Variants in GALNT7 observed in about 807,000 individuals in gnomAD.
GALNT7 encodes the protein polypeptide N-acetylgalactosaminyltransferase 7, also known as N-acetylgalactosaminyltransferase 7.
Under a neutral mutation model 82.1 loss-of-function variants are expected in GALNT7, and 60 were observed. The observed-to-expected ratio is 0.73, with a 90% CI of 0.59 to 0.91. The LOEUF is 0.91. Ranked by LOEUF, GALNT7 falls within the 40% of genes least tolerant of loss-of-function variation. The pLI, the probability that GALNT7 is intolerant of heterozygous loss-of-function variation, is 0.00. For synonymous variants in GALNT7, 243 were observed against 275.1 expected (o/e 0.88, Z 1.15); for missense variants, 660 against 804.2 (o/e 0.82, Z 2.17).
At chr4:173,188,349 T>C (rs1451010840) in intron 1 of GALNT7, among the ~76,000 whole-genome samples, 1 of 152,210 alleles carries the variant, frequency 6.6e-6, no homozygotes, top group Non-Finnish European at 1.5e-5. Flanking sequence ...CTTTCTGAAC[T>C]GTGTTCTATG....
chr4:173,243,598 C>T (rs902379825), intron 1 of GALNT7, among the ~76,000 whole-genome samples: 2 of 152,094 alleles, frequency 1.3e-5, no homozygotes, highest in African/African-American at 2.4e-5. Flanking sequence ...ACTTTATAGC[C>T]GTTGTTTGAA....
At chr4:173,279,045 A>T (rs1012239093) in intron 2 of GALNT7, among the ~76,000 whole-genome samples, 9 of 152,322 alleles carry the variant, frequency 5.9e-5, no homozygotes, top group Admixed American at 3.3e-4. Flanking sequence ...CAGTCTATTG[A>T]TTCTGATAAC....
chr4:173,248,076 G>T lies in GALNT7; in HGVS notation c.223G>T (p.Val75Phe). 6.2e-7 allele frequency: 1 copy of T among 1,613,676 alleles called. No homozygotes were observed. Among genetic ancestry groups the T allele is most frequent in the African/African-American group, 1.3e-5 (1 of 75,016 alleles). ...CAAACCTGTGGTACCATGGCCTCATGTTGAAGGAGTAGAAGTGGACTTAGA... is the reference window on the plus strand; with the variant it reads ...CAAACCTGTGGTACCATGGCCTCATTTTGAAGGAGTAGAAGTGGACTTAGA... ...RFKPVVPWPHVEGVEVDLESI... is the reference protein window; with the variant it reads ...RFKPVVPWPHFEGVEVDLESI... Residue 75 changes from valine to phenylalanine, a missense_variant, in exon 2 of 12, where the codon GTT becomes TTT. Physicochemically the swap from Val to Phe is conservative, Grantham distance 50. Transcript: ENST00000265000.
rs139368053 is a variant in GALNT7, at chr4:173,246,968, C to T, written c.127-1012C>T. Among the ~76,000 whole-genome samples, 153 of 152,124 alleles carry T rather than the reference C, an allele frequency of 1.0e-3. 1 individual carries two copies. The highest frequency in any genetic ancestry group is 3.3e-3 in the African/African-American group (138 of 41,500). ...CTATAATCCCCTTGTCTAATTATAA[C>T]GAGCAGCCCTCCCATTAAGCCAGTG... On this transcript the variant is annotated intron_variant, in intron 1 of 11. Coordinates refer to ENST00000265000, the MANE Select transcript of GALNT7 (RefSeq NM_017423.3).
At chr4:173,235,776 G>A (rs960667844) in intron 1 of GALNT7, among the ~76,000 whole-genome samples, 4 of 151,986 alleles carry the variant, frequency 2.6e-5, no homozygotes, top group Non-Finnish European at 4.4e-5. Context: ...GGATGGTGTC[G>A]ATCTCCTGAC....
chr4:173,226,139 G>A (rs901665021), intron 1 of GALNT7, among the ~76,000 whole-genome samples: 3 of 152,116 alleles, frequency 2.0e-5, no homozygotes, highest in Admixed American at 2.0e-4. Context: ...TGATCACAGT[G>A]TCCACCACAT....
At chr4:173,296,524 C>T (rs773954580) in intron 5 of GALNT7, among the ~76,000 whole-genome samples, 1 of 152,322 alleles carries the variant, frequency 6.6e-6, no homozygotes. Context: ...GAAGGCCGAA[C>T]ATGAACATTT....
chr4:173,288,747 G>T (rs1369374945), intron 2 of GALNT7, among the ~76,000 whole-genome samples: 1 of 152,106 alleles, frequency 6.6e-6, no homozygotes, highest in Non-Finnish European at 1.5e-5. Flanking sequence ...CCCTTATATA[G>T]TGCCATCAGT....
Position 173,314,055 on chromosome 4 carries a change from C to T in GALNT7, c.1487C>T (p.Ser496Leu), listed in dbSNP as rs774669298. 3.2e-5 allele frequency: 51 copies of T among 1,610,378 alleles called. No individual in the cohort carries two copies. Among genetic ancestry groups the T allele is most frequent in the Admixed American group, 2.5e-4 (15 of 59,946 alleles). The change falls in exon 9 of 12, where the codon TCG becomes TTG. Residue 496 changes from serine (S) to leucine (L), a missense_variant. Ser to Leu is a moderately radical substitution (Grantham distance 145, BLOSUM62 -2). Transcript: ENST00000265000. ...ESQALPYGDI[S>L]ELKKFREDHN... ...CAGGCATTACCATATGGGGATATAT[C>T]GGAGCTGAAAAAATTTCGAGAAGAT... is the stretch of plus-strand genomic sequence containing the variant.
At chr4:173,171,216 C>T (rs1161177576) in intron 1 of GALNT7, among the ~76,000 whole-genome samples, 1 of 152,086 alleles carries the variant, frequency 6.6e-6, no homozygotes, top group East Asian at 1.9e-4. Context: ...TAAAGACTAA[C>T]CTAGGAGCTT....
In GALNT7 at chr4:173,317,799, A is replaced by G. The variant is rs1023606472; in HGVS notation, c.1707+67A>G. 1.7e-5 allele frequency: 16 copies of G among 964,340 alleles called. No homozygotes were observed. In the East Asian group the frequency reaches 3.9e-4, roughly 23 times the overall value. The allele number at this position is 964,340 out of a possible 1,614,324, so 59.7% of individuals were successfully genotyped here. A position where few individuals can be genotyped will look rare whatever the true frequency, so the allele number is the denominator to read the frequency against. The stretch of plus-strand genomic sequence containing the variant: ...GGGCCATCAGGTTTATTGATCACAG[A>G]GTGATCTTTGTACTTTGGTTTTCGA... On this transcript the variant is annotated intron_variant, in intron 10 of 11. Coordinates refer to ENST00000265000, the MANE Select transcript of GALNT7 (RefSeq NM_017423.3).
rs759020887 is a variant in GALNT7 at position 173,321,569 on chromosome 4, G to A, written c.1837-11G>A. 1.9e-6 allele frequency: 3 copies of A among 1,605,880 alleles called. No homozygotes were observed. Among genetic ancestry groups the A allele is most frequent in the South Asian group, 1.1e-5 (1 of 90,478 alleles). On this transcript the variant is annotated splice_polypyrimidine_tract_variant and intron_variant, in intron 11 of 11. Coordinates refer to ENST00000265000, the MANE Select transcript of GALNT7 (RefSeq NM_017423.3). ...CCAAATTTGAAACTTTTTTCTTACT[G>A]TGTTTTCCAGAACCTGCACAGATTT...
At chr4:173,212,305 C>T (rs1733305467) in intron 1 of GALNT7, among the ~76,000 whole-genome samples, 1 of 152,120 alleles carries the variant, frequency 6.6e-6, no homozygotes, top group Admixed American at 6.5e-5. Flanking sequence ...TATTAAAAAT[C>T]AACTTAAGTC....
intron 7 of GALNT7, among the ~76,000 whole-genome samples, chr4:173,303,039 C>G (rs533951630): frequency 6.6e-6 from 1 of 151,932 alleles, no homozygotes; most frequent in Non-Finnish European, 1.5e-5. Flanking sequence ...TACTAAAATA[C>G]AAAAAATTAG....
At chr4:173,272,149 T>C (rs946986802) in intron 2 of GALNT7, among the ~76,000 whole-genome samples, 3 of 152,214 alleles carry the variant, frequency 2.0e-5, no homozygotes, top group South Asian at 2.1e-4. Flanking sequence ...TCCTCTGCTC[T>C]CCATCCCTGT....
chr4:173,309,401 G>T (rs1439515067), intron 8 of GALNT7, among the ~76,000 whole-genome samples: 1 of 152,164 alleles, frequency 6.6e-6, no homozygotes, highest in Non-Finnish European at 1.5e-5. Context: ...TGATGACCTG[G>T]TGATTATCCA....
At chr4:173,300,137 T>TA (rs1429124197) in intron 6 of GALNT7, among the ~76,000 whole-genome samples, 1 of 152,224 alleles carries the variant, frequency 6.6e-6, no homozygotes, top group East Asian at 1.9e-4. Context: ...TCATTGAATT[T>TA]AAAATACAGT....
At chr4:173,262,227 G>A (rs565487602) in intron 2 of GALNT7, among the ~76,000 whole-genome samples, 2 of 152,140 alleles carry the variant, frequency 1.3e-5, no homozygotes, top group South Asian at 2.1e-4. Flanking sequence ...TTTTGATACT[G>A]TACTAAAAAC....
chr4:173,318,466 G>A lies in GALNT7; in HGVS notation c.1743G>A (p.Gln581=). Reference sequence around the variant, plus strand: ...TCAATGAAGCAAATCAACTCATGCAGTATGACCAGTGTTTGACAAAGGGAG... The same window carrying A: ...TCAATGAAGCAAATCAACTCATGCAATATGACCAGTGTTTGACAAAGGGAG... ...FRINEANQLM[Q]YDQCLTKGAD... is the part of the protein sequence containing the mutation. Residue 581 remains glutamine (Q), a synonymous_variant, in exon 11 of 12, where the codon CAG becomes CAA. Transcript: ENST00000265000. 1.2e-6 allele frequency: 2 copies of A among 1,602,586 alleles called. No individual in the cohort carries two copies. Among genetic ancestry groups the A allele is most frequent in the Middle Eastern group, 3.3e-4 (2 of 6,040 alleles).
Sources: allele counts gnomAD v4.1 joint callset (sites outside exome capture counted in the v4.1 genomes callset), GRCh38; gene constraint gnomAD v4.1.1; transcripts MANE v1.5; gene names NCBI Gene and HGNC (gene_info 2026-07-23, HGNC 2026-07-21).